OTOF: variants seen among roughly 807,000 people sequenced by gnomAD.
The protein encoded by OTOF is fer-1-like family member 2.
Under a neutral mutation model 236.8 loss-of-function variants are expected in OTOF, and 218 were observed. That is an observed-to-expected ratio of 0.92 (90% CI 0.82 to 1.03). The LOEUF (loss-of-function observed/expected upper bound fraction) is 1.03. Ranked by LOEUF, OTOF falls within the 50% of genes least tolerant of loss-of-function variation. The pLI is 0.00. For missense variants in OTOF, 2,590 were observed against 2,694.4 expected, an observed-to-expected ratio of 0.96 and a Z score of 0.86; for synonymous variants, 1,041 against 1,072.5, an observed-to-expected ratio of 0.97 and a Z score of 0.57.
rs577957993 is a variant in OTOF, at chr2:26,558,363, C to T, written c.79+130G>A. ...GCAGATGACTACCTGTGAAAAGGCT[C>T]GTCGCCCCAGCCCCTGCTAGAACTT... On this transcript the variant is annotated intron_variant, in intron 1 of 46. Transcript: ENST00000272371. 185 of 787,320 alleles carry T rather than the reference C, an allele frequency of 2.3e-4. 1 individual carries two copies. The highest frequency in any genetic ancestry group is 2.3e-3 in the African/African-American group (135 of 58,722). The allele number at this position is 787,320 out of a possible 1,614,324, so 48.8% of individuals were successfully genotyped here. A position where few individuals can be genotyped will look rare whatever the true frequency, so the allele number is the denominator to read the frequency against.
In OTOF at chr2:26,477,763, G is replaced by A. The variant is rs766884820; in HGVS notation, c.2215-14C>T. ...CAGGCCTTCTTCCTGTGAATCAGGA[G>A]TGTGGGTGATGCTGGGCCACAGCCC... On this transcript the variant is annotated splice_polypyrimidine_tract_variant and intron_variant, in intron 18 of 46. Transcript: ENST00000272371. The surrounding 1 kb of genome is among the most constrained non-coding windows in gnomAD (Gnocchi z 4.7). 1.2e-6 allele frequency: 2 copies of A among 1,612,562 alleles called. No homozygotes were observed. The highest frequency in any genetic ancestry group is 1.7e-6 in the Non-Finnish European group (2 of 1,179,860).
At chr2:26,480,717 C>T (rs1558489324) in intron 15 of OTOF, 69 bp downstream of exon 15, 2 of 1,314,116 alleles carry the variant, frequency 1.5e-6, no homozygotes, top group Admixed American at 1.7e-5. Flanking sequence ...AGCCTGGGAC[C>T]CAGGTGACTC....
intron 6 of OTOF, 24 bp downstream of exon 6, chr2:26,503,748 G>T: frequency 1.2e-6 from 2 of 1,604,946 alleles, no homozygotes; most frequent in Non-Finnish European, 1.7e-6. Flanking sequence ...CGGGGCTGCG[G>T]GGCTCACGCG....
chr2:26,470,585 G>A lies in OTOF; in HGVS notation c.4023+8C>T, dbSNP rs1368102623. 7 of 1,613,942 alleles carry A rather than the reference G, an allele frequency of 4.3e-6. No individual in the cohort carries two copies. In the Admixed American group the frequency reaches 6.7e-5, roughly 15 times the overall value. ...GGTCACCTCCCCTCACCCTACCCGAGGTCTCACCTCCTTCATGGTGTCAAT... is the reference window on the plus strand; with the variant it reads ...GGTCACCTCCCCTCACCCTACCCGAAGTCTCACCTCCTTCATGGTGTCAAT... On this transcript the variant is annotated splice_region_variant and intron_variant, in intron 32 of 46. Coordinates refer to ENST00000272371, the MANE Select transcript of OTOF (RefSeq NM_194248.3). The surrounding 1 kb of genome is among the most constrained non-coding windows in gnomAD (Gnocchi z 4.3).
Position 26,479,301 on chromosome 2 carries a change from T to C in OTOF, c.2177A>G (p.Tyr726Cys). The part of the protein sequence containing the change: ...SWWPDQRRRL[Y>C]NANIMDHIAD... Reference sequence around the variant, plus strand: ...AATGTGGTCCATGATGTTGGCATTGTAGAGGCGGCGGCGCTGGTCCGGCCA... The same window carrying C: ...AATGTGGTCCATGATGTTGGCATTGCAGAGGCGGCGGCGCTGGTCCGGCCA... Residue 726 changes from tyrosine to cysteine, a missense_variant, in exon 18 of 47, where the codon TAC becomes TGC. By Grantham distance (194) the Tyr-to-Cys change is radical. This residue lies in a region of OTOF where 1,379 missense variants were observed against 1,341.6 expected (regional missense o/e 1.03). Coordinates refer to ENST00000272371, the MANE Select transcript of OTOF (RefSeq NM_194248.3). The C allele has an allele frequency of 6.2e-7, 1 of 1,612,706 alleles. No homozygotes were observed. The highest frequency in any genetic ancestry group is 8.5e-7 in the Non-Finnish European group (1 of 1,179,894).
chr2:26,464,116 C>G lies in OTOF; in HGVS notation c.4961-10G>C. The stretch of plus-strand genomic sequence containing the variant: ...GTGGGCTTCCTCTGACCTGTGGGTG[C>G]CGGCGGCTCAGCTGCACACATGGCT... On this transcript the variant is annotated splice_polypyrimidine_tract_variant and intron_variant, in intron 39 of 46. Coordinates refer to ENST00000272371, the MANE Select transcript of OTOF (RefSeq NM_194248.3). The G allele has an allele frequency of 6.2e-7, 1 of 1,613,112 alleles. No homozygotes were observed. The highest frequency in any genetic ancestry group is 8.5e-7 in the Non-Finnish European group (1 of 1,179,934).
intron 1 of OTOF, among the ~76,000 whole-genome samples, chr2:26,554,163 C>T (rs529661892): frequency 2.4e-4 from 11 of 46,806 alleles, no homozygotes; most frequent in African/African-American, 8.8e-4. Flanking sequence ...CAGAGCGAGA[C>T]TCAAAAAAAA....
In OTOF at chr2:26,470,001, G is replaced by T. The variant is rs1664903379; in HGVS notation, c.4023+592C>A. Among the ~76,000 whole-genome samples the T allele has an allele frequency of 1.3e-5, 2 of 152,146 alleles. No homozygotes were observed. Among genetic ancestry groups the T allele is most frequent in the Non-Finnish European group, 2.9e-5 (2 of 68,022 alleles). On this transcript the variant is annotated intron_variant, in intron 32 of 46. Transcript: ENST00000272371. The surrounding 1 kb of genome is among the most constrained non-coding windows in gnomAD (Gnocchi z 4.3). ...ATGCGCTTTCTGGAACTTGCAATCT[G>T]GCCAAACAGATGGAACCCACATATG...
intron 16 of OTOF, 105 bp from the exon 17 acceptor site, chr2:26,479,758 T>A: frequency 1.8e-6 from 2 of 1,114,748 alleles, no homozygotes; most frequent in Non-Finnish European, 1.3e-6. Flanking sequence ...AGAGGGAGAG[T>A]CAGGGAATGG....
intron 39 of OTOF, 74 bp downstream of exon 39, chr2:26,464,795 G>A (rs1664646588): frequency 1.4e-6 from 2 of 1,438,270 alleles, no homozygotes; most frequent in Admixed American, 2.0e-5. Flanking sequence ...GGTTCCCCAG[G>A]GAAGTGTGGG....
At chr2:26,550,012 A>G (rs1667419923) in intron 1 of OTOF, among the ~76,000 whole-genome samples, 1 of 151,654 alleles carries the variant, frequency 6.6e-6, no homozygotes, top group South Asian at 2.1e-4. Context: ...TGGGAATACA[A>G]TGAGGTATAA....
Position 26,473,122 on chromosome 2 carries a change from G to C in OTOF, c.3733+10C>G. On this transcript the variant is annotated intron_variant, in intron 29 of 46. Coordinates refer to ENST00000272371, the MANE Select transcript of OTOF (RefSeq NM_194248.3). The surrounding 1 kb of genome is among the most constrained non-coding windows in gnomAD (Gnocchi z 7.2). ...AGCCAGGCTTGGTGGCAGGGTGGAT[G>C]TGGCCATACCCGTGGTGTTCCAGCT... is the stretch of plus-strand genomic sequence containing the variant. 1 of 1,609,478 alleles carries C rather than the reference G, an allele frequency of 6.2e-7. No homozygotes were observed. Among genetic ancestry groups the C allele is most frequent in the Non-Finnish European group, 8.5e-7 (1 of 1,178,244 alleles).
Position 26,472,545 on chromosome 2 carries a change from G to C in OTOF, c.3838C>G (p.Leu1280Val). The stretch of plus-strand genomic sequence containing the variant: ...GCGTCCAGCTTCACCATGGTCTCCA[G>C]TTTCTTGATGGGTACCTCTGGCTCC... ...TMEPEVPIKK[L>V]ETMVKLDATS... is the part of the protein sequence containing the mutation. The change falls in exon 30 of 47, where the codon CTG (leucine) becomes GTG (valine). Residue 1280 changes from leucine (L) to valine (V), a missense_variant. This residue lies in a region of OTOF where 1,211 missense variants were observed against 1,352.8 expected (regional missense o/e 0.90). Coordinates refer to ENST00000272371, the MANE Select transcript of OTOF (RefSeq NM_194248.3). The C allele has an allele frequency of 6.2e-7, 1 of 1,613,576 alleles. No homozygotes were observed. Among genetic ancestry groups the C allele is most frequent in the Non-Finnish European group, 8.5e-7 (1 of 1,180,034 alleles).
Position 26,467,459 on chromosome 2 carries a change from G to A in OTOF, c.4133C>T (p.Ala1378Val), listed in dbSNP as rs756419170. 20 of 1,613,836 alleles carry A rather than the reference G, an allele frequency of 1.2e-5. No homozygotes were observed. The highest frequency in any genetic ancestry group is 6.7e-5 in the East Asian group (3 of 44,880). Reference sequence around the variant, plus strand: ...AGTTTTCTTCTTCTTCTCCTCTTTGGCAGCCCTTGCCTTCTCCTTGCCCTT... The same window carrying A: ...AGTTTTCTTCTTCTTCTCCTCTTTGACAGCCCTTGCCTTCTCCTTGCCCTT... ...SMKGKEKARA[A>V]KEEKKKKTQS... The change falls in exon 34 of 47, where the codon GCC becomes GTC. Residue 1378 changes from alanine to valine, a missense_variant. By Grantham distance (64) the Ala-to-Val change is moderately conservative (BLOSUM62 0). Coordinates refer to ENST00000272371, the MANE Select transcript of OTOF (RefSeq NM_194248.3).
At chr2:26,535,075 G>C (rs1424789904) in intron 2 of OTOF, among the ~76,000 whole-genome samples, 3 of 152,234 alleles carry the variant, frequency 2.0e-5, no homozygotes, top group Non-Finnish European at 4.4e-5. Context: ...ATGGGAGGGT[G>C]GCCTTCCTGC....
At chr2:26,490,129 G>GT (rs2148067430) in intron 9 of OTOF, among the ~76,000 whole-genome samples, 1 of 152,324 alleles carries the variant, frequency 6.6e-6, no homozygotes, top group East Asian at 1.9e-4. Flanking sequence ...CTGAACCTCA[G>GT]TTTTTTGAGC....
rs556182666 is a variant in OTOF, at chr2:26,495,056, G to C, written c.783C>G (p.Ile261Met). The C allele has an allele frequency of 6.2e-7, 1 of 1,613,992 alleles. No homozygotes were observed. The highest frequency in any genetic ancestry group is 8.5e-7 in the Non-Finnish European group (1 of 1,180,020). Residue 261 changes from isoleucine to methionine, a missense_variant, in exon 9 of 47, where the codon ATC becomes ATG. By Grantham distance (10) the Ile-to-Met change is conservative. Coordinates refer to ENST00000272371, the MANE Select transcript of OTOF (RefSeq NM_194248.3). ...TCAAGCCCACCAGCTGCCGGGCCTC[G>C]ATCACCGTGATGCTGACCTGCAGGC... ...PMDYQVSITV[I>M]EARQLVGLNM... is the part of the protein sequence containing the mutation.
chr2:26,495,124 G>A (rs1022913827), intron 8 of OTOF, 51 bp from the exon 9 acceptor site: 6 of 1,609,452 alleles, frequency 3.7e-6, no homozygotes, highest in Non-Finnish European at 5.1e-6. Flanking sequence ...GAGCCTAGGA[G>A]CCTGGTCCCG....
chr2:26,502,221 C>T (rs142913436), intron 7 of OTOF, 79 bp downstream of exon 7: 97 of 1,522,360 alleles, frequency 6.4e-5, no homozygotes, highest in Non-Finnish European at 7.8e-5. Flanking sequence ...TCTTCCCTAC[C>T]CAAATTCCAA....
Sources: allele counts gnomAD v4.1 joint callset (sites outside exome capture counted in the v4.1 genomes callset), GRCh38; gene constraint gnomAD v4.1.1; regional missense constraint gnomAD v4.1.1; non-coding constraint Gnocchi (gnomAD v3.1); transcripts MANE v1.5; gene names NCBI Gene and HGNC (gene_info 2026-07-23, HGNC 2026-07-21).